Variants in STK3 observed in about 807,000 individuals in gnomAD.
The protein encoded by STK3 is serine/threonine-protein kinase 3.
A neutral mutation model predicts 58.0 loss-of-function variants in STK3; 41 were observed. That is an observed-to-expected ratio of 0.71 (90% CI 0.55 to 0.92). The LOEUF (loss-of-function observed/expected upper bound fraction) is 0.92, where lower values mean the gene tolerates loss of function less well. Ranked by LOEUF, STK3 falls within the 40% of genes least tolerant of loss-of-function variation. The probability of loss-of-function intolerance (pLI) is 0.00; values close to 1 mark genes in which losing one functional copy is unlikely to be tolerated. For missense variants in STK3, 479 were observed against 602.7 expected (o/e 0.79, Z 2.15); for synonymous variants, 170 against 191.0 (o/e 0.89, Z 0.91).
intron 3 of STK3, among the ~76,000 whole-genome samples, chr8:98,424,980 C>T (rs546820444): frequency 6.6e-6 from 1 of 152,308 alleles, no homozygotes; most frequent in African/African-American, 2.4e-5. Context: ...CCCGTAGGTG[C>T]TGCTGCTCAG....
At chr8:98,862,439 C>G (rs981155555) in intron 3 of STK3, among the ~76,000 whole-genome samples, 4 of 152,206 alleles carry the variant, frequency 2.6e-5, no homozygotes, top group Non-Finnish European at 5.9e-5. Context: ...ATATCCAACA[C>G]GGGAAAACAT....
intron 3 of STK3, among the ~76,000 whole-genome samples, chr8:98,844,573 C>G (rs1253666924): frequency 6.6e-6 from 1 of 152,150 alleles, no homozygotes; most frequent in Non-Finnish European, 1.5e-5. Context: ...TCAAGCCATC[C>G]TCCCACCTCA....
chr8:98,675,268 T>C (rs1312013077), intron 6 of STK3, among the ~76,000 whole-genome samples: 1 of 152,226 alleles, frequency 6.6e-6, no homozygotes, highest in East Asian at 1.9e-4. Context: ...ACAAGAATTG[T>C]TATATTAAAA....
chr8:98,714,032 C>T (rs1406169801), intron 4 of STK3, among the ~76,000 whole-genome samples: 1 of 152,150 alleles, frequency 6.6e-6, no homozygotes, highest in African/African-American at 2.4e-5. Flanking sequence ...ACAAAAACCA[C>T]ATGATTATCT....
In STK3 at chr8:98,749,273, T is replaced by C. The variant is rs1563960758; in HGVS notation, c.351+3A>G. ...ATTAGCAAAACAATTTTAAAATACTTACTGTCTTGTTTCGTAATCTAATTA... is the reference window on the plus strand; with the variant it reads ...ATTAGCAAAACAATTTTAAAATACTCACTGTCTTGTTTCGTAATCTAATTA... On this transcript the variant is annotated splice_donor_region_variant and intron_variant, in intron 4 of 10. Transcript: ENST00000419617. 1.3e-6 allele frequency: 2 copies of C among 1,583,862 alleles called. No homozygotes were observed. Among genetic ancestry groups the C allele is most frequent in the East Asian group, 2.2e-5 (1 of 44,584 alleles).
chr8:98,552,108 G>C (rs1163279386), intron 8 of STK3, among the ~76,000 whole-genome samples: 1 of 152,062 alleles, frequency 6.6e-6, no homozygotes, highest in Non-Finnish European at 1.5e-5. Flanking sequence ...TTAAGTTGGA[G>C]ATGTAAGCTC....
chr8:98,722,855 G>A (rs1437779862), intron 4 of STK3: 1 of 496,152 alleles, frequency 2.0e-6, no homozygotes, highest in East Asian at 5.7e-5. Context: ...CATGAGAGAG[G>A]ATCTGCTTCA....
chr8:98,701,974 T>A (rs1462939413), intron 6 of STK3, among the ~76,000 whole-genome samples: 1 of 152,208 alleles, frequency 6.6e-6, no homozygotes, highest in Non-Finnish European at 1.5e-5. Context: ...ATAAGCACTT[T>A]TATCCCTCTC....
chr8:98,655,670 G>C (rs1821430382), intron 6 of STK3, among the ~76,000 whole-genome samples: 1 of 151,562 alleles, frequency 6.6e-6, no homozygotes, highest in African/African-American at 2.4e-5. Flanking sequence ...CAAAAAGTGG[G>C]CGAAGGACAT....
chr8:98,894,304 T>C (rs1838369675), intron 1 of STK3, among the ~76,000 whole-genome samples: 1 of 152,188 alleles, frequency 6.6e-6, no homozygotes, highest in African/African-American at 2.4e-5. Flanking sequence ...CATCAATCAA[T>C]TCAACAAGCC....
chr8:98,460,219 G>A (rs1187951998), intron 10 of STK3, among the ~76,000 whole-genome samples: 1 of 152,226 alleles, frequency 6.6e-6, no homozygotes, highest in Non-Finnish European at 1.5e-5. Flanking sequence ...GGAGTCAAAG[G>A]AGATCATTTT....
intron 4 of STK3, among the ~76,000 whole-genome samples, chr8:98,720,052 C>T (rs1290574873): frequency 1.3e-5 from 2 of 152,088 alleles, no homozygotes; most frequent in Non-Finnish European, 2.9e-5. Flanking sequence ...TTTTAACAAC[C>T]CAATTTAGTA....
intron 3 of STK3, among the ~76,000 whole-genome samples, chr8:98,844,526 T>C (rs970782230): frequency 5.9e-5 from 9 of 152,122 alleles, no homozygotes; most frequent in African/African-American, 2.2e-4. Context: ...AGTGCCTTGG[T>C]GCAATCTCGG....
intron 6 of STK3, among the ~76,000 whole-genome samples, chr8:98,603,675 A>G (rs1388437799): frequency 1.3e-5 from 2 of 152,160 alleles, no homozygotes; most frequent in Non-Finnish European, 2.9e-5. Flanking sequence ...AGGAACACCA[A>G]TGGATACTTG....
chr8:98,573,207 T>C (rs569360691), intron 8 of STK3, among the ~76,000 whole-genome samples: 3 of 152,314 alleles, frequency 2.0e-5, no homozygotes, highest in East Asian at 3.9e-4. Flanking sequence ...GATTCTTATG[T>C]GGTGGCAGAA....
upstream of STK3, among the ~76,000 whole-genome samples, chr8:98,391,238 T>G (rs1817846543): frequency 6.6e-6 from 1 of 152,230 alleles, no homozygotes; most frequent in Non-Finnish European, 1.5e-5. Flanking sequence ...CCAACCTGCC[T>G]TCTGTGGGCT....
At chr8:98,665,548 C>T (rs1822276479) in intron 6 of STK3, among the ~76,000 whole-genome samples, 2 of 152,018 alleles carry the variant, frequency 1.3e-5, no homozygotes, top group Non-Finnish European at 2.9e-5. Flanking sequence ...CAGGTATGTG[C>T]AACTGCGCCC....
At chr8:98,679,220 C>T (rs1189152162) in intron 6 of STK3, among the ~76,000 whole-genome samples, 1 of 152,190 alleles carries the variant, frequency 6.6e-6, no homozygotes, top group East Asian at 1.9e-4. Context: ...CTTCTCATCT[C>T]ATTCAGAATA....
chr8:98,715,503 C>T (rs968317794), intron 4 of STK3, among the ~76,000 whole-genome samples: 10 of 152,082 alleles, frequency 6.6e-5, no homozygotes, highest in Middle Eastern at 3.4e-3. Flanking sequence ...AAAGAAGACA[C>T]TTATGCAGCC....
Sources: gnomAD v4.1 joint callset for allele counts (sites outside exome capture counted in the v4.1 genomes callset) on GRCh38, gnomAD v4.1.1 for gene constraint, MANE v1.5 for transcripts, NCBI Gene and HGNC (gene_info 2026-07-23, HGNC 2026-07-21) for gene names.